PKHD1: variants seen among roughly 807,000 people sequenced by gnomAD.
The protein encoded by PKHD1 is fibrocystin.
PKHD1 carries 291 observed loss-of-function variants against 412.0 expected under a neutral mutation model. The ratio of observed to expected loss-of-function variants is 0.71; its 90% CI spans 0.64 to 0.78. PKHD1 has a LOEUF of 0.78. PKHD1 is among the 30% of genes least tolerant of loss of function. The pLI is 0.00. For missense variants in PKHD1, 4,825 were observed against 4,950.7 expected, an observed-to-expected ratio of 0.97 and a Z score of 0.76; for synonymous variants, 1,777 against 1,821.5, an observed-to-expected ratio of 0.98 and a Z score of 0.62.
chr6:52,038,665 G>A (rs2128174221), intron 27 of PKHD1, among the ~76,000 whole-genome samples: 1 of 152,120 alleles, frequency 6.6e-6, no homozygotes, highest in East Asian at 1.9e-4. Flanking sequence ...CACTCAGTTT[G>A]TGGTACCTGA....
At chr6:51,828,515 G>A (rs775640215) in intron 52 of PKHD1, among the ~76,000 whole-genome samples, 1 of 152,046 alleles carries the variant, frequency 6.6e-6, no homozygotes, top group Non-Finnish European at 1.5e-5. Flanking sequence ...ATTCAAAGGA[G>A]AAGACATTTT....
chr6:52,065,844 A>G, intron 12 of PKHD1, 132 bp downstream of exon 12: 1 of 689,022 alleles, frequency 1.5e-6, no homozygotes, highest in Admixed American at 2.1e-5. Context: ...AACCAAACAC[A>G]TGACTTATCA....
chr6:52,018,455 A>C (rs1449826131), intron 33 of PKHD1, among the ~76,000 whole-genome samples: 1 of 152,226 alleles, frequency 6.6e-6, no homozygotes, highest in Non-Finnish European at 1.5e-5. Context: ...TCAGGTGTGT[A>C]AAATGGCATT....
intron 32 of PKHD1, among the ~76,000 whole-genome samples, chr6:52,024,264 A>G (rs113796539): frequency 2.6e-5 from 4 of 152,252 alleles, no homozygotes; most frequent in Non-Finnish European, 4.4e-5. Context: ...ACGTTCTTAA[A>G]TGATCAAATT....
intron 65 of PKHD1, among the ~76,000 whole-genome samples, chr6:51,629,208 A>C (rs1473397627): frequency 6.6e-6 from 1 of 152,180 alleles, no homozygotes; most frequent in Non-Finnish European, 1.5e-5. Flanking sequence ...CATAAATAAA[A>C]AAAGTGGGAC....
At chr6:52,049,178 CA>C (rs113457889) in intron 22 of PKHD1, among the ~76,000 whole-genome samples, 44 of 152,322 alleles carry the variant, frequency 2.9e-4, no homozygotes, top group Admixed American at 3.9e-4. Flanking sequence ...TTTACTTACA[CA>C]AACCTAGATG....
intron 61 of PKHD1, among the ~76,000 whole-genome samples, chr6:51,652,298 G>T (rs927910458): frequency 2.6e-5 from 4 of 151,932 alleles, no homozygotes. Flanking sequence ...CTTGCTTTTC[G>T]ATTCCACCAG....
intron 35 of PKHD1, among the ~76,000 whole-genome samples, chr6:51,966,210 T>C (rs1397777844): frequency 6.6e-6 from 1 of 152,090 alleles, no homozygotes; most frequent in Non-Finnish European, 1.5e-5. Flanking sequence ...GGGACACAGC[T>C]TGGTTTTATA....
At chr6:51,959,817 A>G in intron 36 of PKHD1, 53 bp downstream of exon 36, 1 of 1,500,500 alleles carries the variant, frequency 6.7e-7, no homozygotes, top group Non-Finnish European at 9.3e-7. Flanking sequence ...CATCCCCCCT[A>G]CAAGTGATAT....
rs771180444 is a variant in PKHD1, at chr6:51,959,897, TTG to T, written c.5879_5880del (p.Thr1960LysfsTer9). On this transcript the variant is annotated frameshift_variant, in exon 36 of 67. Coordinates refer to ENST00000371117, the MANE Select transcript of PKHD1 (RefSeq NM_138694.4). LOFTEE classifies it high-confidence loss of function. ...TTAATGTGCAGTAAGTTGAGGATGC[TTG>T]TGTTAGTGTCCAGCAGAAGCAATTG... Reference protein sequence around the residue: ...NGQLLLLDTNTSILNLLHIKG... With the variant: ...NGQLLLLDTNXSILNLLHIKG... 13 of 1,613,390 alleles carry T rather than the reference TTG, an allele frequency of 8.1e-6. No individual in the cohort carries two copies. Among genetic ancestry groups the T allele is most frequent in the African/African-American group, 1.3e-5 (1 of 74,840 alleles).
In PKHD1 at chr6:52,025,987, T is replaced by C. The variant is rs1386365303; in HGVS notation, c.3823A>G (p.Asn1275Asp). ...VPAAVEVWAGNRFFARGPSPS... is the reference protein window; with the variant it reads ...VPAAVEVWAGDRFFARGPSPS... Reference sequence around the variant, plus strand: ...GAAGGACCACGGGCGAAGAACCTGTTGCCAGCCCAGACCTCCACGGCAGCT... The same window carrying C: ...GAAGGACCACGGGCGAAGAACCTGTCGCCAGCCCAGACCTCCACGGCAGCT... The change falls in exon 32 of 67, where the codon AAC becomes GAC. Residue 1275 changes from asparagine (N) to aspartate (D), a missense_variant. Coordinates refer to ENST00000371117, the MANE Select transcript of PKHD1 (RefSeq NM_138694.4). 1 of 1,614,190 alleles carries C rather than the reference T, an allele frequency of 6.2e-7. No homozygotes were observed.
At chr6:52,008,659 A>G (rs757481932) in intron 35 of PKHD1, among the ~76,000 whole-genome samples, 1 of 152,202 alleles carries the variant, frequency 6.6e-6, no homozygotes, top group Non-Finnish European at 1.5e-5. Flanking sequence ...ATGACTAGTG[A>G]ACTAGCACTG....
At chr6:51,654,322 T>A (rs1231249200) in intron 61 of PKHD1, among the ~76,000 whole-genome samples, 2 of 152,142 alleles carry the variant, frequency 1.3e-5, no homozygotes, top group African/African-American at 4.8e-5. Flanking sequence ...TGAGATTTAG[T>A]ATAACATCTT....
intron 52 of PKHD1, among the ~76,000 whole-genome samples, chr6:51,824,623 T>C (rs1300417242): frequency 4.6e-5 from 7 of 151,704 alleles, no homozygotes; most frequent in African/African-American, 1.7e-4. Flanking sequence ...ATTAAAGTTT[T>C]TAGGTCAAAA....
At chr6:51,874,916 C>T (rs868223423) in intron 46 of PKHD1, among the ~76,000 whole-genome samples, 3 of 84,198 alleles carry the variant, frequency 3.6e-5, no homozygotes, top group Non-Finnish European at 6.5e-5. Context: ...GCACCGTGCG[C>T]GAGCCGAAGC....
intron 46 of PKHD1, among the ~76,000 whole-genome samples, chr6:51,881,162 G>A (rs1216233525): frequency 6.8e-6 from 1 of 145,988 alleles, no homozygotes; most frequent in Non-Finnish European, 1.5e-5. Flanking sequence ...ACTGTGCTAA[G>A]TAAAGATTAA....
At chr6:51,996,597 C>T (rs1006200090) in intron 35 of PKHD1, among the ~76,000 whole-genome samples, 3 of 152,190 alleles carry the variant, frequency 2.0e-5, no homozygotes, top group African/African-American at 7.2e-5. Flanking sequence ...ATTATGCTTT[C>T]TCATTTGGTT....
Position 52,025,392 on chromosome 6 carries a change from T to C in PKHD1, c.4418A>G (p.Gln1473Arg), listed in dbSNP as rs780740862. 49 of 1,611,156 alleles carry C rather than the reference T, an allele frequency of 3.0e-5. No individual in the cohort carries two copies. The highest frequency in any genetic ancestry group is 1.6e-4 in the Middle Eastern group (1 of 6,070). Residue 1473 changes from glutamine (Q) to arginine (R), a missense_variant, in exon 32 of 67, where the codon CAG (glutamine) becomes CGG (arginine). Transcript: ENST00000371117. ...VLVNGLTSECQGNCTLFIREE... is the reference protein window; with the variant it reads ...VLVNGLTSECRGNCTLFIREE... Reference sequence around the variant, plus strand: ...CCTTATGAAAAGAGTGCAATTCCCCTGACACTCGCTGGTTAGCCCATTGAC... The same window carrying C: ...CCTTATGAAAAGAGTGCAATTCCCCCGACACTCGCTGGTTAGCCCATTGAC...
chr6:51,851,646 T>A (rs1023900895), intron 49 of PKHD1, among the ~76,000 whole-genome samples: 1 of 152,204 alleles, frequency 6.6e-6, no homozygotes, highest in African/African-American at 2.4e-5. Flanking sequence ...GTAGGGTGTA[T>A]GCATCCAGGA....
Sources: allele counts gnomAD v4.1 joint callset (sites outside exome capture counted in the v4.1 genomes callset), GRCh38; gene constraint gnomAD v4.1.1; transcripts MANE v1.5; gene names NCBI Gene and HGNC (gene_info 2026-07-23, HGNC 2026-07-21).